The following SCAPER variants were observed in gnomAD, a reference collection of about 807,000 sequenced individuals.
SCAPER encodes S-phase cyclin A associated protein in the ER.
Under a neutral mutation model 182.2 loss-of-function variants are expected in SCAPER, and 98 were observed. That is an observed-to-expected ratio of 0.54 (90% CI 0.46 to 0.64). The LOEUF is 0.64. Among genes scored for constraint, SCAPER ranks in the 30% least tolerant of loss-of-function variants. SCAPER has a pLI of 0.00. For missense variants in SCAPER, 1,432 were observed against 1,690.0 expected, an observed-to-expected ratio of 0.85 and a Z score of 2.68; for synonymous variants, 605 against 564.6, an observed-to-expected ratio of 1.07 and a Z score of -1.01.
intron 5 of SCAPER, among the ~76,000 whole-genome samples, chr15:76,824,856 C>T (rs2067864944): frequency 6.6e-6 from 1 of 152,142 alleles, no homozygotes; most frequent in African/African-American, 2.4e-5. Context: ...TTAAACCTTA[C>T]CTGCATCTTT....
intron 14 of SCAPER, among the ~76,000 whole-genome samples, chr15:76,755,561 CTG>C (rs573259802): frequency 6.6e-6 from 1 of 152,244 alleles, no homozygotes; most frequent in South Asian, 2.1e-4. Flanking sequence ...TTTCAACATG[CTG>C]TGTTAGGTAC....
intron 5 of SCAPER, among the ~76,000 whole-genome samples, chr15:76,809,367 G>A (rs1299446231): frequency 6.6e-6 from 1 of 152,124 alleles, no homozygotes; most frequent in Non-Finnish European, 1.5e-5. Context: ...AAGGTCAGAA[G>A]GAGTAATGCA....
intron 4 of SCAPER, among the ~76,000 whole-genome samples, chr15:76,845,391 A>G (rs1361567819): frequency 3.3e-5 from 5 of 152,120 alleles, no homozygotes; most frequent in South Asian, 2.1e-4. Context: ...CAGACATGAG[A>G]AAGAAATAAT....
Position 76,810,348 on chromosome 15 carries a change from C to A in SCAPER, c.394-5715G>T, listed in dbSNP as rs975463211. Among the ~76,000 whole-genome samples, 5 of 151,766 alleles carry A rather than the reference C, an allele frequency of 3.3e-5. No homozygotes were observed. In the South Asian group the frequency reaches 1.0e-3, roughly 32 times the overall value. On this transcript the variant is annotated intron_variant, in intron 5 of 31. Coordinates refer to ENST00000563290, the MANE Select transcript of SCAPER (RefSeq NM_020843.4). ...ATAATTATAAATTGTGACATCAATA[C>A]TATTTATAATGTGGGAGCAAGAGAC...
chr15:76,890,919 A>G (rs572562508), intron 1 of SCAPER, among the ~76,000 whole-genome samples: 22 of 152,358 alleles, frequency 1.4e-4, no homozygotes, highest in Admixed American at 1.2e-3. Context: ...AAAATCCTCA[A>G]TAGAATACTG....
chr15:76,592,043 G>C (rs192112297), intron 22 of SCAPER, among the ~76,000 whole-genome samples: 1 of 152,250 alleles, frequency 6.6e-6, no homozygotes, highest in Non-Finnish European at 1.5e-5. Context: ...CTCGGCAACA[G>C]AGTGAGATCA....
At chr15:76,441,545 C>A (rs564093930) in intron 25 of SCAPER, among the ~76,000 whole-genome samples, 1 of 152,258 alleles carries the variant, frequency 6.6e-6, no homozygotes, top group Admixed American at 6.5e-5. Flanking sequence ...CCTCTACATC[C>A]ATTCCTCCCC....
intron 20 of SCAPER, among the ~76,000 whole-genome samples, chr15:76,698,205 T>C (rs1189239823): frequency 6.6e-6 from 1 of 152,038 alleles, no homozygotes; most frequent in Non-Finnish European, 1.5e-5. Flanking sequence ...CATGTTCCAT[T>C]TCATTTGTAT....
chr15:76,488,279 C>T (rs945521851), intron 24 of SCAPER, among the ~76,000 whole-genome samples: 1 of 152,036 alleles, frequency 6.6e-6, no homozygotes, highest in Non-Finnish European at 1.5e-5. Context: ...AATCCTGGTG[C>T]TCAAGGGCAC....
Position 76,582,800 on chromosome 15 carries a change from T to C in SCAPER, c.2712-8516A>G, listed in dbSNP as rs188691940. Among the ~76,000 whole-genome samples, 1,105 of 152,210 alleles carry C rather than the reference T, an allele frequency of 7.3e-3. 17 individuals carry two copies. The highest frequency in any genetic ancestry group is 0.025 in the African/African-American group (1,051 of 41,544). ...GAGAATCTAGAAACAAATCCTTACA[T>C]CTACAGAGAACTCATTTTTGACAAT... On this transcript the variant is annotated intron_variant, in intron 22 of 31. Transcript: ENST00000563290.
intron 22 of SCAPER, among the ~76,000 whole-genome samples, chr15:76,580,416 GA>G (rs1308915854): frequency 6.6e-6 from 1 of 152,174 alleles, no homozygotes; most frequent in Non-Finnish European, 1.5e-5. Flanking sequence ...GGTCCTGAAT[GA>G]CCAGTGGGTT....
At chr15:76,500,276 A>T (rs992532934) in intron 24 of SCAPER, among the ~76,000 whole-genome samples, 1 of 152,240 alleles carries the variant, frequency 6.6e-6, no homozygotes, top group African/African-American at 2.4e-5. Flanking sequence ...GAGATAAGCA[A>T]GGCTGACAGA....
rs529761034 is a variant in SCAPER at position 76,837,539 on chromosome 15, T to C, written c.393+4195A>G. Among the ~76,000 whole-genome samples, 5 of 152,278 alleles carry C rather than the reference T, an allele frequency of 3.3e-5. No homozygotes were observed. In the South Asian group the frequency reaches 1.0e-3, roughly 32 times the overall value. ...CTCACTCACTATCACGAGAACAGAA[T>C]GAGGGTAACCACCTCTGTGATTAAA... On this transcript the variant is annotated intron_variant, in intron 5 of 31. Transcript: ENST00000563290.
intron 22 of SCAPER, among the ~76,000 whole-genome samples, chr15:76,577,798 G>A (rs938267090): frequency 6.6e-6 from 1 of 152,040 alleles, no homozygotes; most frequent in South Asian, 2.1e-4. Flanking sequence ...TACGGGGAGA[G>A]ACTCCTTCTG....
intron 27 of SCAPER, among the ~76,000 whole-genome samples, chr15:76,388,393 C>T (rs1240321831): frequency 2.0e-5 from 3 of 151,634 alleles, no homozygotes; most frequent in Admixed American, 2.0e-4. Context: ...GAGTTCAAGG[C>T]TGCAGTGAGC....
At chr15:76,433,215 A>G (rs1236592018) in intron 26 of SCAPER, among the ~76,000 whole-genome samples, 1 of 152,150 alleles carries the variant, frequency 6.6e-6, no homozygotes, top group East Asian at 1.9e-4. Flanking sequence ...ACATATCTAA[A>G]TATCAAGAAA....
intron 27 of SCAPER, among the ~76,000 whole-genome samples, chr15:76,392,947 A>C (rs780574495): frequency 6.6e-5 from 10 of 152,172 alleles, no homozygotes; most frequent in Non-Finnish European, 1.5e-4. Flanking sequence ...GAGAATGGTA[A>C]GTCAGTGGAG....
At chr15:76,801,749 ATG>A (rs1385843467) in intron 6 of SCAPER, among the ~76,000 whole-genome samples, 2 of 152,138 alleles carry the variant, frequency 1.3e-5, no homozygotes, top group East Asian at 3.9e-4. Context: ...GTGAAGCCCT[ATG>A]TCTACTAAAA....
At chr15:76,377,118 G>A (rs1048699506) in intron 28 of SCAPER, among the ~76,000 whole-genome samples, 11 of 152,214 alleles carry the variant, frequency 7.2e-5, no homozygotes, top group Non-Finnish European at 1.6e-4. Context: ...AAAAGGCAGA[G>A]TTTTAAACTC....
Sources: gnomAD v4.1 joint callset for allele counts (sites outside exome capture counted in the v4.1 genomes callset) on GRCh38, gnomAD v4.1.1 for gene constraint, MANE v1.5 for transcripts, NCBI Gene and HGNC (gene_info 2026-07-23, HGNC 2026-07-21) for gene names.